Variants in BANK1 observed in about 807,000 individuals in gnomAD.
BANK1 encodes the protein B cell scaffold protein with ankyrin repeats 1, also known as B-cell scaffold protein with ankyrin repeats.
In BANK1, 95 loss-of-function variants were observed where a neutral mutation model predicts 94.5. The ratio of observed to expected loss-of-function variants is 1.00; its 90% confidence interval spans 0.85 to 1.19. The LOEUF (loss-of-function observed/expected upper bound fraction) is 1.19. BANK1 is among the 50% of genes most tolerant of loss of function. BANK1 has a pLI of 0.00. For missense variants in BANK1, 987 were observed against 932.2 expected (o/e 1.06, Z -0.77); for synonymous variants, 334 against 308.4 (o/e 1.08, Z -0.87).
intron 7 of BANK1, among the ~76,000 whole-genome samples, chr4:101,986,184 A>C (rs1184381413): frequency 6.6e-6 from 1 of 152,170 alleles, no homozygotes; most frequent in South Asian, 2.1e-4. Flanking sequence ...ATAAATGTGC[A>C]TATAAAGTGC....
intron 7 of BANK1, among the ~76,000 whole-genome samples, chr4:101,941,443 T>C (rs1723738621): frequency 6.6e-6 from 1 of 151,766 alleles, no homozygotes; most frequent in South Asian, 2.1e-4. Context: ...GTGTTTTTCA[T>C]TCAGTTTTGA....
rs557331203 is a variant in BANK1, at chr4:101,911,022, C to T, written c.1010-6971C>T. On this transcript the variant is annotated intron_variant, in intron 6 of 16. Coordinates refer to ENST00000322953, the MANE Select transcript of BANK1 (RefSeq NM_017935.5). ...GTTTTGCTTACTCTGTCAAACAGGT[C>T]TAAGCACTTTACTTATGTTGTTATT... is the stretch of plus-strand genomic sequence containing the variant. 3.9e-5 allele frequency among the ~76,000 whole-genome samples: 6 copies of T among 152,290 alleles called. No individual in the cohort carries two copies. In the South Asian group the frequency reaches 1.2e-3, roughly 32 times the overall value.
At chr4:102,061,803 G>C (rs1012243278) in intron 12 of BANK1, 17 of 152,106 alleles carry the variant, frequency 1.1e-4, no homozygotes, top group African/African-American at 3.1e-4. Context: ...CTTAGAGACT[G>C]ATCTGACTCA....
In BANK1 at chr4:102,039,349, A is replaced by G. The variant is rs531441358; in HGVS notation, c.1901-4490A>G. On this transcript the variant is annotated intron_variant, in intron 10 of 16. Coordinates refer to ENST00000322953, the MANE Select transcript of BANK1 (RefSeq NM_017935.5). ...AGTCTGTCTTGGTGAATTTGCAAAG[A>G]GGCTACCTACATACATCTTTCCTCT... 2.0e-5 allele frequency among the ~76,000 whole-genome samples: 3 copies of G among 152,268 alleles called. No homozygotes were observed. The South Asian group carries it at 6.2e-4, about 32-fold the overall frequency.
At chr4:101,832,209 G>A (rs1365448634) in intron 2 of BANK1, among the ~76,000 whole-genome samples, 1 of 152,190 alleles carries the variant, frequency 6.6e-6, no homozygotes, top group African/African-American at 2.4e-5. Flanking sequence ...TTGCCTAGCT[G>A]ACTAAAGGAT....
intron 6 of BANK1, among the ~76,000 whole-genome samples, chr4:101,912,076 A>T (rs1210890737): frequency 6.6e-6 from 1 of 152,106 alleles, no homozygotes; most frequent in Non-Finnish European, 1.5e-5. Context: ...CAGAGGAGGT[A>T]GGGCAGAATG....
chr4:101,855,232 ATGG>A (rs755573259), intron 3 of BANK1, 43 bp downstream of exon 3: 75 of 1,564,834 alleles, frequency 4.8e-5, no homozygotes, highest in Middle Eastern at 1.7e-4. Flanking sequence ...CCATTGTGTT[ATGG>A]TGGTGGTGGT....
At chr4:101,962,819 T>C (rs1239418522) in intron 7 of BANK1, among the ~76,000 whole-genome samples, 1 of 152,156 alleles carries the variant, frequency 6.6e-6, no homozygotes, top group Non-Finnish European at 1.5e-5. Context: ...CTTCCTTTAA[T>C]CTCTTGTTGG....
intron 2 of BANK1, among the ~76,000 whole-genome samples, chr4:101,850,908 C>T (rs12501163): frequency 0.11 from 17,196 of 151,918 alleles, 1,276 homozygotes; most frequent in East Asian, 0.24. Context: ...GGGTATTCCC[C>T]CATCTCTCTC....
In BANK1 at chr4:101,858,342, C is replaced by A. The variant is rs185558247; in HGVS notation, c.624+3153C>A. ...CACAACAGCTCCCACAACAGTGACA[C>A]ATTTGGTCCAAAAATATCAACAGTG... On this transcript the variant is annotated intron_variant, in intron 3 of 16. Transcript: ENST00000322953. Among the ~76,000 whole-genome samples the A allele has an allele frequency of 1.5e-3, 234 of 152,290 alleles. 1 individual carries two copies. Among genetic ancestry groups the A allele is most frequent in the Non-Finnish European group, 2.9e-3 (194 of 68,016 alleles).
At chr4:101,857,150 T>G (rs1727708746) in intron 3 of BANK1, among the ~76,000 whole-genome samples, 1 of 152,180 alleles carries the variant, frequency 6.6e-6, no homozygotes, top group Non-Finnish European at 1.5e-5. Context: ...AGTCCGTGAA[T>G]AGAGACCACT....
intron 1 of BANK1, among the ~76,000 whole-genome samples, chr4:101,799,522 A>G (rs1327134103): frequency 1.3e-5 from 2 of 152,196 alleles, no homozygotes; most frequent in Non-Finnish European, 2.9e-5. Flanking sequence ...TTGTGGCACT[A>G]TTCACAATAG....
At chr4:101,890,898 T>C (rs1429302679) in intron 5 of BANK1, among the ~76,000 whole-genome samples, 1 of 151,840 alleles carries the variant, frequency 6.6e-6, no homozygotes, top group African/African-American at 2.4e-5. Flanking sequence ...CCAGTTTGAG[T>C]GAAGTATAAA....
intron 7 of BANK1, among the ~76,000 whole-genome samples, chr4:102,021,145 CT>C (rs1467440836): frequency 1.2e-5 from 1 of 86,132 alleles, no homozygotes; most frequent in African/African-American, 4.6e-5. Flanking sequence ...ATCTTTTGAA[CT>C]GTAAAAGATA....
chr4:101,974,523 T>A (rs539056193), intron 7 of BANK1, among the ~76,000 whole-genome samples: 11 of 152,150 alleles, frequency 7.2e-5, no homozygotes, highest in Non-Finnish European at 1.3e-4. Flanking sequence ...GGACTGATAA[T>A]AACAACCTTC....
intron 6 of BANK1, among the ~76,000 whole-genome samples, chr4:101,903,551 G>T (rs548211710): frequency 6.6e-6 from 1 of 152,120 alleles, no homozygotes; most frequent in Non-Finnish European, 1.5e-5. Context: ...CAAATCTAGA[G>T]TCTTCTCTGG....
At chr4:101,872,004 T>C (rs1728306426) in intron 5 of BANK1, among the ~76,000 whole-genome samples, 1 of 152,198 alleles carries the variant, frequency 6.6e-6, no homozygotes, top group East Asian at 1.9e-4. Context: ...TTTAGATAAG[T>C]AGAAAAATGC....
chr4:101,838,064 A>G (rs1726899679), intron 2 of BANK1, among the ~76,000 whole-genome samples: 1 of 152,016 alleles, frequency 6.6e-6, no homozygotes. Flanking sequence ...AGTTCAAATG[A>G]TTCTTGTGCC....
chr4:101,870,780 G>A, intron 5 of BANK1, 136 bp downstream of exon 5: 1 of 1,050,400 alleles, frequency 9.5e-7, no homozygotes, highest in Non-Finnish European at 1.3e-6. Context: ...AGGAAGGGAA[G>A]AGGCAACCTC....
Sources: allele counts gnomAD v4.1 joint callset (sites outside exome capture counted in the v4.1 genomes callset), GRCh38; gene constraint gnomAD v4.1.1; transcripts MANE v1.5; gene names NCBI Gene and HGNC (gene_info 2026-07-23, HGNC 2026-07-21).